RORA: variants seen among roughly 807,000 people sequenced by gnomAD.
The protein encoded by RORA is RAR related orphan receptor A, also known as nuclear receptor ROR-alpha.
In RORA, 7 loss-of-function variants were observed where a neutral mutation model predicts 69.5. The ratio of observed to expected loss-of-function variants is 0.10; its 90% CI spans 0.06 to 0.19. The LOEUF is 0.19. RORA is among the 10% of genes least tolerant of loss of function. The probability of loss-of-function intolerance (pLI) is 1.00; values close to 1 mark genes in which losing one functional copy is unlikely to be tolerated. For synonymous variants in RORA, 261 were observed against 240.8 expected, an observed-to-expected ratio of 1.08 and a Z score of -0.78; for missense variants, 457 against 663.0, an observed-to-expected ratio of 0.69 and a Z score of 3.41.
chr15:60,908,375 A>C (rs1019919648), intron 1 of RORA, among the ~76,000 whole-genome samples: 1 of 152,338 alleles, frequency 6.6e-6, no homozygotes, highest in South Asian at 2.1e-4. Flanking sequence ...CAAATATCCA[A>C]GGCTCCTTTC....
chr15:61,040,164 A>G (rs954762684), intron 1 of RORA, among the ~76,000 whole-genome samples: 2 of 117,712 alleles, frequency 1.7e-5, no homozygotes, highest in African/African-American at 6.4e-5. Context: ...ATATATATAT[A>G]AAATATATGA....
At chr15:60,667,165 C>T (rs999832852) in intron 2 of RORA, among the ~76,000 whole-genome samples, 7 of 152,184 alleles carry the variant, frequency 4.6e-5, no homozygotes, top group African/African-American at 1.4e-4. Context: ...CAAGACTGGG[C>T]TCTCTTCCCT....
intron 2 of RORA, among the ~76,000 whole-genome samples, chr15:60,617,367 T>C (rs2069272379): frequency 6.6e-6 from 1 of 152,108 alleles, no homozygotes; most frequent in African/African-American, 2.4e-5. Context: ...GGGGGCCCTA[T>C]TTTTACCACA....
At chr15:61,100,949 A>C (rs1197184150) in intron 1 of RORA, among the ~76,000 whole-genome samples, 1 of 152,226 alleles carries the variant, frequency 6.6e-6, no homozygotes, top group Non-Finnish European at 1.5e-5. Flanking sequence ...CTGTTGTAAC[A>C]CTTATTCTAC....
chr15:61,207,342 C>T (rs768676228), intron 1 of RORA, among the ~76,000 whole-genome samples: 37 of 152,186 alleles, frequency 2.4e-4, no homozygotes, highest in Non-Finnish European at 4.0e-4. Context: ...CTAAGAACAG[C>T]TGAGGCTCAA....
At chr15:60,659,352 C>G (rs2070268992) in intron 2 of RORA, among the ~76,000 whole-genome samples, 1 of 152,156 alleles carries the variant, frequency 6.6e-6, no homozygotes, top group African/African-American at 2.4e-5. Context: ...TTACACTGCC[C>G]TGAGAAAACG....
At chr15:61,152,650 T>C (rs1007444919) in intron 1 of RORA, among the ~76,000 whole-genome samples, 2 of 152,190 alleles carry the variant, frequency 1.3e-5, no homozygotes, top group African/African-American at 2.4e-5. Flanking sequence ...AAGAGATCTT[T>C]CTGCCCTTAT....
At chr15:61,032,297 GA>G (rs1216268208) in intron 1 of RORA, among the ~76,000 whole-genome samples, 2 of 152,164 alleles carry the variant, frequency 1.3e-5, no homozygotes, top group East Asian at 3.9e-4. Flanking sequence ...CAGAAGTGTT[GA>G]ACTGAAGAAG....
intron 2 of RORA, among the ~76,000 whole-genome samples, chr15:60,635,122 C>G: frequency 6.6e-6 from 1 of 152,200 alleles, no homozygotes; most frequent in East Asian, 1.9e-4. Context: ...GCCACCATGA[C>G]TCTGCACATC....
intron 2 of RORA, chr15:60,558,438 T>C (rs2140413886): frequency 3.4e-6 from 2 of 584,158 alleles, no homozygotes; most frequent in South Asian, 2.4e-5. Context: ...ATAGATCTCA[T>C]ACACCAGAAT....
At chr15:60,963,995 G>A (rs746382401) in intron 1 of RORA, among the ~76,000 whole-genome samples, 5 of 152,226 alleles carry the variant, frequency 3.3e-5, no homozygotes, top group African/African-American at 4.8e-5. Context: ...CTTATTTGCA[G>A]GCAGCAGTGT....
chr15:60,565,407 G>C (rs1168359150), intron 2 of RORA, among the ~76,000 whole-genome samples: 1 of 152,132 alleles, frequency 6.6e-6, no homozygotes, highest in African/African-American at 2.4e-5. Flanking sequence ...GTATTCATTA[G>C]CAGAGACATT....
rs375474962 is a variant in RORA, at chr15:60,864,818, T to C, written c.167-186132A>G. Among the ~76,000 whole-genome samples, 5 of 152,344 alleles carry C rather than the reference T, an allele frequency of 3.3e-5. No homozygotes were observed. The South Asian group carries it at 1.0e-3, about 32-fold the overall frequency. ...ATCTCAGTGCCAGGCCTTTGTGCTA[T>C]GTGCTTTATTTACTCACTTAGTAAT... On this transcript the variant is annotated intron_variant, in intron 1 of 10. Coordinates refer to ENST00000335670, the MANE Select transcript of RORA (RefSeq NM_134261.3).
chr15:61,225,771 T>C (rs566247372), intron 1 of RORA, among the ~76,000 whole-genome samples: 2 of 152,202 alleles, frequency 1.3e-5, no homozygotes, highest in Non-Finnish European at 2.9e-5. Flanking sequence ...ACAACAGTTA[T>C]GTCACGAGGC....
chr15:60,883,172 GAGAGAGAGAGAA>G (rs1370192003), intron 1 of RORA, among the ~76,000 whole-genome samples: 6 of 130,158 alleles, frequency 4.6e-5, no homozygotes, highest in African/African-American at 1.4e-4. Context: ...GAGAGAGAGA[GAGAGAGAGAGAA>G]AGAAAGAAAA....
chr15:61,078,075 C>T (rs1482019018), intron 1 of RORA, among the ~76,000 whole-genome samples: 4 of 152,220 alleles, frequency 2.6e-5, no homozygotes, highest in Admixed American at 6.5e-5. Flanking sequence ...GAAGTAACCA[C>T]TGGATAATAA....
chr15:61,188,903 C>T (rs17204959), intron 1 of RORA, among the ~76,000 whole-genome samples: 54,538 of 152,034 alleles, frequency 0.36, 11,279 homozygotes, highest in Non-Finnish European at 0.45. Context: ...GGTGAAAAAG[C>T]CTTACCCCCA....
intron 1 of RORA, among the ~76,000 whole-genome samples, chr15:61,137,044 AAAG>A (rs1334698881): frequency 1.4e-5 from 2 of 145,108 alleles, no homozygotes; most frequent in African/African-American, 5.4e-5. Context: ...AGAAAGAAAG[AAAG>A]AAAGAAAGAA....
At chr15:60,517,476 T>C (rs1333638326) in intron 3 of RORA, among the ~76,000 whole-genome samples, 1 of 152,230 alleles carries the variant, frequency 6.6e-6, no homozygotes, top group African/African-American at 2.4e-5. Flanking sequence ...TTATTTTATT[T>C]TATTTTATTG....
Sources: gnomAD v4.1 joint callset for allele counts (sites outside exome capture counted in the v4.1 genomes callset) on GRCh38, gnomAD v4.1.1 for gene constraint, MANE v1.5 for transcripts, NCBI Gene and HGNC (gene_info 2026-07-23, HGNC 2026-07-21) for gene names.